SNX29: variants seen among roughly 807,000 people sequenced by gnomAD.
SNX29 encodes the protein sorting nexin 29.
Under a neutral mutation model 102.1 loss-of-function variants are expected in SNX29, and 78 were observed. That is an observed-to-expected ratio of 0.76 (90% confidence interval 0.64 to 0.92). SNX29 has a LOEUF of 0.92. Among genes scored for constraint, SNX29 ranks in the 40% least tolerant of loss-of-function variants. The pLI, the probability that SNX29 is intolerant of heterozygous loss-of-function variation, is 0.00. For synonymous variants in SNX29, 580 were observed against 414.5 expected (o/e 1.40, Z -4.85); for missense variants, 1,280 against 1,061.7 (o/e 1.21, Z -2.86).
In SNX29 at chr16:12,499,981, T is replaced by A. The variant is rs190391662; in HGVS notation, c.2178+22122T>A. ...TATGAGCCATGGTGCCCAGCCTGCA[T>A]TTATTTTATTTTAATTTTAAATTTT... On this transcript the variant is annotated intron_variant, in intron 19 of 20. Transcript: ENST00000566228. Among the ~76,000 whole-genome samples the A allele has an allele frequency of 8.5e-4, 128 of 151,320 alleles. 1 individual carries two copies. The highest frequency in any genetic ancestry group is 3.0e-3 in the African/African-American group (122 of 41,216).
intron 11 of SNX29, among the ~76,000 whole-genome samples, chr16:12,084,362 T>G (rs1395851385): frequency 6.6e-6 from 1 of 152,144 alleles, no homozygotes; most frequent in Non-Finnish European, 1.5e-5. Flanking sequence ...GCCAGGCTGG[T>G]CTCGAACTCC....
At chr16:12,395,939 AGTGCCTG>A (rs2083705045) in intron 16 of SNX29, among the ~76,000 whole-genome samples, 1 of 152,248 alleles carries the variant, frequency 6.6e-6, no homozygotes, top group Admixed American at 6.5e-5. Context: ...CATTTGCTAC[AGTGCCTG>A]GCCTTGTTAT....
chr16:12,515,503 C>T (rs2089824037), intron 19 of SNX29: 1 of 488,032 alleles, frequency 2.0e-6, no homozygotes, highest in Non-Finnish European at 4.1e-6. Flanking sequence ...CTCCTTGCCT[C>T]CCCAGCCGCC....
At chr16:12,188,254 A>T (rs1482559030) in intron 13 of SNX29, among the ~76,000 whole-genome samples, 1 of 152,184 alleles carries the variant, frequency 6.6e-6, no homozygotes, top group Non-Finnish European at 1.5e-5. Flanking sequence ...TTCTGTCTGT[A>T]GTTTCTGAAG....
At chr16:12,186,013 C>T (rs986678690) in intron 13 of SNX29, among the ~76,000 whole-genome samples, 2 of 152,172 alleles carry the variant, frequency 1.3e-5, no homozygotes, top group Non-Finnish European at 1.5e-5. Context: ...CAGTATTTAT[C>T]AAAGTAATAA....
intron 15 of SNX29, among the ~76,000 whole-genome samples, chr16:12,323,830 T>A (rs2081036019): frequency 6.6e-6 from 1 of 152,190 alleles, no homozygotes; most frequent in Non-Finnish European, 1.5e-5. Flanking sequence ...TGGGACTAGA[T>A]GGAGCAGTAT....
At chr16:12,178,480 T>G (rs1446039711) in intron 13 of SNX29, among the ~76,000 whole-genome samples, 2 of 152,196 alleles carry the variant, frequency 1.3e-5, no homozygotes, top group Non-Finnish European at 2.9e-5. Flanking sequence ...AAAACCAGCC[T>G]GGCTTTTGTC....
chr16:12,078,796 G>A (rs1242425976), intron 10 of SNX29, 37 bp from the exon 11 acceptor site: 2 of 1,552,992 alleles, frequency 1.3e-6, no homozygotes, highest in Non-Finnish European at 8.8e-7. Context: ...TACTTTCAGT[G>A]GCCGAGTGTA....
intron 4 of SNX29, among the ~76,000 whole-genome samples, chr16:12,041,341 A>T (rs1418007231): frequency 6.6e-6 from 1 of 152,094 alleles, no homozygotes; most frequent in Non-Finnish European, 1.5e-5. Context: ...CGAACCCCTG[A>T]CCTCAGATGA....
chr16:11,977,376 C>T (rs2055325485), intron 1 of SNX29: 1 of 153,054 alleles, frequency 6.5e-6, no homozygotes, highest in Non-Finnish European at 1.5e-5. Flanking sequence ...CCTCTCATCC[C>T]TCCCACCCCT....
chr16:12,360,509 A>G (rs956662842), intron 16 of SNX29, among the ~76,000 whole-genome samples: 1 of 152,100 alleles, frequency 6.6e-6, no homozygotes, highest in African/African-American at 2.4e-5. Context: ...TTTTGCCCCA[A>G]CGATGTCACA....
At chr16:12,026,606 G>C (rs913995466) in intron 3 of SNX29, among the ~76,000 whole-genome samples, 8 of 152,146 alleles carry the variant, frequency 5.3e-5, no homozygotes, top group Admixed American at 3.3e-4. Context: ...TTTGGTTATT[G>C]AGAAACAAAT....
rs528724487 is a variant in SNX29 at position 12,042,950 on chromosome 16, C to T, written c.301C>T (p.Arg101Cys). ...GGTCCTCAACAAGCACGAGCTGCAG[C>T]GCTTCTACTCCCTGCGCCACATCGC... Reference protein sequence around the residue: ...KEVLNKHELQRFYSLRHIASD... With the variant: ...KEVLNKHELQCFYSLRHIASD... Residue 101 changes from arginine to cysteine, a missense_variant, in exon 5 of 21, where the codon CGC (arginine) becomes TGC (cysteine). By Grantham distance (180) the Arg-to-Cys change is radical (BLOSUM62 -3). Coordinates refer to ENST00000566228, the MANE Select transcript of SNX29 (RefSeq NM_032167.5). 19 of 1,613,814 alleles carry T rather than the reference C, an allele frequency of 1.2e-5. No individual in the cohort carries two copies. The African/African-American group carries it at 1.2e-4, about 10-fold the overall frequency.
intron 18 of SNX29, among the ~76,000 whole-genome samples, chr16:12,448,208 C>T (rs79672215): frequency 0.02 from 2,990 of 152,220 alleles, 105 homozygotes; most frequent in African/African-American, 0.068. Context: ...GGCTTGCGTC[C>T]GGGTCTGTCT....
chr16:12,503,419 G>C (rs1225786942), intron 19 of SNX29, among the ~76,000 whole-genome samples: 2 of 152,202 alleles, frequency 1.3e-5, no homozygotes, highest in African/African-American at 4.8e-5. Context: ...CCCGTGCACT[G>C]AGAAGTCAGG....
At chr16:12,058,967 A>T (rs1186586944) in intron 8 of SNX29, among the ~76,000 whole-genome samples, 1 of 150,936 alleles carries the variant, frequency 6.6e-6, no homozygotes, top group African/African-American at 2.4e-5. Context: ...TAATTTTTAA[A>T]TTTTTTGTAG....
At chr16:12,224,369 G>A (rs574256230) in intron 14 of SNX29, among the ~76,000 whole-genome samples, 3 of 152,216 alleles carry the variant, frequency 2.0e-5, no homozygotes, top group Non-Finnish European at 2.9e-5. Context: ...GCCAGGCCCC[G>A]GTGGATGCCA....
At chr16:12,013,412 G>C (rs1339669735) in intron 3 of SNX29, among the ~76,000 whole-genome samples, 2 of 144,710 alleles carry the variant, frequency 1.4e-5, no homozygotes, top group African/African-American at 5.1e-5. Context: ...GGGAGGCTGA[G>C]TGGGGGACAG....
In SNX29 at chr16:12,233,478, T is replaced by C. The variant is rs1240791226; in HGVS notation, c.1678+33795T>C. 2.0e-5 allele frequency among the ~76,000 whole-genome samples: 3 copies of C among 152,184 alleles called. No individual in the cohort carries two copies. The East Asian group carries it at 5.8e-4, about 29-fold the overall frequency. On this transcript the variant is annotated intron_variant, in intron 14 of 20. Transcript: ENST00000566228. ...GGAGCAAGGGTTGAAAAACTACCAG[T>C]TGGATACTATGCTTACTGCCTGGGT...
Sources: gnomAD v4.1 joint callset for allele counts (sites outside exome capture counted in the v4.1 genomes callset) on GRCh38, gnomAD v4.1.1 for gene constraint, MANE v1.5 for transcripts, NCBI Gene and HGNC (gene_info 2026-07-23, HGNC 2026-07-21) for gene names.